The following ARHGAP32 variants were observed in gnomAD, a reference collection of about 807,000 sequenced individuals.
The protein encoded by ARHGAP32 is rho GTPase-activating protein 32.
ARHGAP32 carries 51 observed loss-of-function variants against 186.5 expected under a neutral mutation model. The observed-to-expected ratio is 0.27, with a 90% CI of 0.22 to 0.35. ARHGAP32 has a LOEUF of 0.35. Ranked by LOEUF, ARHGAP32 falls within the 10% of genes least tolerant of loss-of-function variation. ARHGAP32 has a pLI of 1.00. For synonymous variants in ARHGAP32, 950 were observed against 964.3 expected, an observed-to-expected ratio of 0.99 and a Z score of 0.27; for missense variants, 2,186 against 2,623.5, an observed-to-expected ratio of 0.83 and a Z score of 3.64.
rs550206557 is a variant in ARHGAP32 at position 129,174,565 on chromosome 11, A to G, written c.117-10138T>C. Among the ~76,000 whole-genome samples the G allele has an allele frequency of 5.5e-4, 84 of 152,260 alleles. 1 individual carries two copies. Among genetic ancestry groups the G allele is most frequent in the African/African-American group, 2.0e-3 (83 of 41,560 alleles). On this transcript the variant is annotated intron_variant, in intron 1 of 22. Coordinates refer to ENST00000682385, the MANE Select transcript of ARHGAP32 (RefSeq NM_001378024.1). ...CTGTCTGACAGCTTTGAAGAGAGCA[A>G]TGCTTCTCCCAGCACGCAGCTGGAG...
chr11:129,178,922 C>G (rs951659885), intron 1 of ARHGAP32, among the ~76,000 whole-genome samples: 3 of 152,140 alleles, frequency 2.0e-5, no homozygotes, highest in Non-Finnish European at 2.9e-5. Flanking sequence ...GCAATGCCAA[C>G]AAGAGCCAAA....
chr11:129,274,364 A>G (rs1164086995), intron 1 of ARHGAP32, among the ~76,000 whole-genome samples: 1 of 152,178 alleles, frequency 6.6e-6, no homozygotes, highest in Non-Finnish European at 1.5e-5. Flanking sequence ...AGGTGCTATA[A>G]TCAGAACACC....
rs58858606 is a variant in ARHGAP32, at chr11:129,268,664, C to CAAAAAAAAA, written c.-5+10473_-5+10481dup. Among the ~76,000 whole-genome samples the CAAAAAAAAA allele has an allele frequency of 5.4e-4, 25 of 46,396 alleles. 2 individuals are homozygous for CAAAAAAAAA. Among genetic ancestry groups the CAAAAAAAAA allele is most frequent in the East Asian group, 8.8e-4 (1 of 1,132 alleles). 30.4% of individuals were successfully genotyped at this position (46,396 alleles called of 152,430 possible). A position where few individuals can be genotyped will look rare whatever the true frequency, so the allele number is the denominator to read the frequency against. ...GCTCTTTCGTTATTTGCCTCCTCAC[C>CAAAAAAAAA]AAAAAAAAAAAAAAAAAAAAAAAAA... On this transcript the variant is annotated intron_variant, in intron 1 of 6. Coordinates refer to the ARHGAP32 transcript ENST00000525234.
intron 1 of ARHGAP32, among the ~76,000 whole-genome samples, chr11:129,264,687 T>C (rs1445389866): frequency 1.3e-5 from 2 of 152,122 alleles, no homozygotes; most frequent in Admixed American, 6.5e-5. Flanking sequence ...CTTGATAGTT[T>C]AGAATGACAC....
In ARHGAP32 at chr11:129,058,200, C is replaced by T. The variant is rs1010503876; in HGVS notation, c.963+4080G>A. ...AGAAAAAAAAATATACACACACACA[C>T]ACACACACACACACACACACACTCT... On this transcript the variant is annotated intron_variant, in intron 10 of 22. Coordinates refer to ENST00000682385, the MANE Select transcript of ARHGAP32 (RefSeq NM_001378024.1). Among the ~76,000 whole-genome samples the T allele has an allele frequency of 2.8e-3, 336 of 121,326 alleles. 2 individuals carry two copies. Among genetic ancestry groups the T allele is most frequent in the Admixed American group, 6.3e-3 (69 of 10,996 alleles). The allele number at this position is 121,326 out of a possible 152,430, so 79.6% of individuals were successfully genotyped here.
At chr11:129,116,308 C>T (rs1321528889) in intron 5 of ARHGAP32, among the ~76,000 whole-genome samples, 1 of 151,972 alleles carries the variant, frequency 6.6e-6, no homozygotes, top group Non-Finnish European at 1.5e-5. Flanking sequence ...TTTCACAGTC[C>T]AACCACTTTT....
intron 11 of ARHGAP32, among the ~76,000 whole-genome samples, chr11:129,030,961 C>G (rs1258149531): frequency 6.6e-6 from 1 of 152,210 alleles, no homozygotes; most frequent in Non-Finnish European, 1.5e-5. Context: ...GAGGTGCCTG[C>G]TCCCACTTCG....
intron 5 of ARHGAP32, among the ~76,000 whole-genome samples, chr11:129,101,211 A>G: frequency 6.6e-6 from 1 of 152,312 alleles, no homozygotes; most frequent in Non-Finnish European, 1.5e-5. Context: ...GGGAAAAAAA[A>G]CATCCAAAGG....
At chr11:129,193,079 C>T (rs1420297464), upstream of ARHGAP32, among the ~76,000 whole-genome samples, 1 of 151,870 alleles carries the variant, frequency 6.6e-6, no homozygotes, top group Non-Finnish European at 1.5e-5. Flanking sequence ...TTGTCTTTTA[C>T]CAAGCAGCAA....
intron 1 of ARHGAP32, among the ~76,000 whole-genome samples, chr11:129,177,413 G>T (rs1180272402): frequency 6.6e-6 from 1 of 152,144 alleles, no homozygotes; most frequent in Non-Finnish European, 1.5e-5. Context: ...TAAAAAAAGA[G>T]GGAATCCTCC....
upstream of ARHGAP32, among the ~76,000 whole-genome samples, chr11:129,194,602 T>C (rs145192325): frequency 1.3e-5 from 2 of 152,034 alleles, no homozygotes; most frequent in Admixed American, 1.3e-4. Flanking sequence ...TCAGTACTAG[T>C]ACCAGTAGTT....
chr11:129,178,363 C>G (rs1943967779), intron 1 of ARHGAP32, among the ~76,000 whole-genome samples: 3 of 150,894 alleles, frequency 2.0e-5, no homozygotes, highest in Admixed American at 2.0e-4. Context: ...AATGGCCATA[C>G]TGCCCAAGGT....
At chr11:129,056,608 T>A (rs1940262322) in intron 10 of ARHGAP32, among the ~76,000 whole-genome samples, 1 of 152,140 alleles carries the variant, frequency 6.6e-6, no homozygotes, top group Non-Finnish European at 1.5e-5. Flanking sequence ...ACAGCAATAT[T>A]AAGGAAGGAC....
chr11:129,240,238 G>A (rs1404495389), intron 1 of ARHGAP32, among the ~76,000 whole-genome samples: 1 of 151,988 alleles, frequency 6.6e-6, no homozygotes, highest in Non-Finnish European at 1.5e-5. Flanking sequence ...AGTTTAGCAA[G>A]ATAGCTATTA....
chr11:129,040,620 C>A (rs1227574524), intron 11 of ARHGAP32, among the ~76,000 whole-genome samples: 1 of 152,062 alleles, frequency 6.6e-6, no homozygotes, highest in Non-Finnish European at 1.5e-5. Context: ...TATGTTAGTT[C>A]TTTAAACCTA....
chr11:129,217,835 C>T (rs2135602193), intron 1 of ARHGAP32, among the ~76,000 whole-genome samples: 1 of 152,274 alleles, frequency 6.6e-6, no homozygotes, highest in South Asian at 2.1e-4. Flanking sequence ...AAAGCACTAG[C>T]TTGGTAGTGA....
chr11:129,269,052 C>T (rs993899173), intron 1 of ARHGAP32, among the ~76,000 whole-genome samples: 1 of 152,146 alleles, frequency 6.6e-6, no homozygotes, highest in Non-Finnish European at 1.5e-5. Flanking sequence ...AGTTGAATCA[C>T]TTGAGTCCAG....
chr11:129,196,944 C>G (rs1944399711), upstream of ARHGAP32, among the ~76,000 whole-genome samples: 1 of 152,034 alleles, frequency 6.6e-6, no homozygotes, highest in Non-Finnish European at 1.5e-5. Flanking sequence ...GTAATCCCAG[C>G]TACTTGGTAG....
chr11:129,007,450 C>T (rs1380687967), intron 11 of ARHGAP32, among the ~76,000 whole-genome samples: 1 of 151,994 alleles, frequency 6.6e-6, no homozygotes, highest in African/African-American at 2.4e-5. Flanking sequence ...CCTGCTAAGA[C>T]TGAGTCCTTC....
Sources: gnomAD v4.1 joint callset for allele counts (sites outside exome capture counted in the v4.1 genomes callset) on GRCh38, gnomAD v4.1.1 for gene constraint, MANE v1.5 for transcripts, NCBI Gene and HGNC (gene_info 2026-07-23, HGNC 2026-07-21) for gene names.